Variants in MON2 observed in about 807,000 individuals in gnomAD.
MON2 encodes MON2 regulator of endosome-to-Golgi trafficking, also known as protein MON2 homolog.
In MON2, 84 loss-of-function variants were observed where a neutral mutation model predicts 208.6. The observed-to-expected ratio is 0.40, with a 90% confidence interval of 0.34 to 0.48. The LOEUF (loss-of-function observed/expected upper bound fraction) is 0.48. Among genes scored for constraint, MON2 ranks in the 20% least tolerant of loss-of-function variants. MON2 has a pLI of 0.59. For synonymous variants in MON2, 660 were observed against 694.0 expected (o/e 0.95, Z 0.77); for missense variants, 1,611 against 2,015.4 (o/e 0.80, Z 3.84).
chr12:62,529,265 A>AT (rs2072496674), intron 11 of MON2, among the ~76,000 whole-genome samples: 1 of 152,180 alleles, frequency 6.6e-6, no homozygotes, highest in African/African-American at 2.4e-5. Flanking sequence ...GTCAGACTTG[A>AT]TTTTAAAAAC....
chr12:62,504,933 A>G (rs751656895), intron 7 of MON2, among the ~76,000 whole-genome samples: 3 of 152,216 alleles, frequency 2.0e-5, no homozygotes, highest in Non-Finnish European at 4.4e-5. Flanking sequence ...CAAGGATAGG[A>G]TACTTAAGCT....
At chr12:62,498,126 C>T (rs1310154301) in intron 4 of MON2, among the ~76,000 whole-genome samples, 2 of 151,540 alleles carry the variant, frequency 1.3e-5, no homozygotes, top group Admixed American at 6.6e-5. Flanking sequence ...ATGGTGTACT[C>T]GTACAATAGA....
chr12:62,580,185 G>A, intron 31 of MON2, 112 bp from the exon 32 acceptor site: 1 of 990,274 alleles, frequency 1.0e-6, no homozygotes, highest in Non-Finnish European at 1.5e-6. Context: ...TTCTTTAAAG[G>A]AGAGTTCTTT....
Position 62,578,430 on chromosome 12 carries a change from GTTT to G in MON2, c.4515-5_4515-3del. On this transcript the variant is annotated splice_polypyrimidine_tract_variant and intron_variant, in intron 30 of 34. Transcript: ENST00000393630. ...AATATTTTATCTTTAAAAATCAAGT[GTTT>G]TTTTTTTTTAGCATACCTCCAGATA... The G allele has an allele frequency of 1.8e-6, 2 of 1,130,406 alleles. No individual in the cohort carries two copies. Among genetic ancestry groups the G allele is most frequent in the Admixed American group, 2.8e-5 (1 of 36,148 alleles). The allele number at this position is 1,130,406 out of a possible 1,614,324, so 70.0% of individuals were successfully genotyped here.
At chr12:62,542,870 A>G (rs961452832) in intron 19 of MON2, among the ~76,000 whole-genome samples, 13 of 152,122 alleles carry the variant, frequency 8.5e-5, no homozygotes, top group African/African-American at 3.1e-4. Flanking sequence ...CCACTATTAA[A>G]GCATTCTCTT....
At chr12:62,494,076 G>C in intron 3 of MON2, 34 bp downstream of exon 3, 1 of 1,573,812 alleles carries the variant, frequency 6.4e-7, no homozygotes, top group Non-Finnish European at 8.7e-7. Flanking sequence ...CTTCACCTAA[G>C]AGTTGAATCA....
chr12:62,521,816 T>C (rs1447835687), intron 8 of MON2, among the ~76,000 whole-genome samples: 1 of 152,236 alleles, frequency 6.6e-6, no homozygotes. Flanking sequence ...AGGTAGGTGC[T>C]TTTCTGCTCT....
At chr12:62,591,443 T>A (rs2075395438) in intron 34 of MON2, among the ~76,000 whole-genome samples, 1 of 152,188 alleles carries the variant, frequency 6.6e-6, no homozygotes, top group Admixed American at 6.5e-5. Flanking sequence ...TTGATGATGT[T>A]TGATGTCAGT....
intron 31 of MON2, among the ~76,000 whole-genome samples, chr12:62,579,996 A>G (rs2074944077): frequency 6.6e-6 from 1 of 152,160 alleles, no homozygotes; most frequent in Non-Finnish European, 1.5e-5. Flanking sequence ...GGTAAATTTC[A>G]TATGCTATTT....
chr12:62,509,856 G>A (rs2071301627), intron 8 of MON2, among the ~76,000 whole-genome samples: 1 of 147,788 alleles, frequency 6.8e-6, no homozygotes, highest in African/African-American at 2.5e-5. Flanking sequence ...AAAAGCAATA[G>A]AGAGAATCAA....
At chr12:62,482,148 T>C (rs1285985247) in intron 1 of MON2, among the ~76,000 whole-genome samples, 1 of 152,224 alleles carries the variant, frequency 6.6e-6, no homozygotes. Flanking sequence ...ACATTCAAAA[T>C]TGCTGGTGGG....
intron 19 of MON2, among the ~76,000 whole-genome samples, chr12:62,539,993 T>A (rs113101700): frequency 5.3e-5 from 8 of 152,128 alleles, no homozygotes; most frequent in African/African-American, 1.9e-4. Context: ...ATATATATTA[T>A]AGTTTGTTCT....
Position 62,594,417 on chromosome 12 carries a change from T to C in MON2, c.*1668T>C, listed in dbSNP as rs2075479388. On this transcript the variant is annotated 3_prime_UTR_variant, in exon 35 of 35. Coordinates refer to ENST00000393630, the MANE Select transcript of MON2 (RefSeq NM_015026.3). ...TTCTATTTTATTATTTCACCTAAAA[T>C]TAAGGTAAAATATGGCATTTCATAA... The C allele has an allele frequency of 6.6e-6, 1 of 152,196 alleles. No homozygotes were observed. The highest frequency in any genetic ancestry group is 2.1e-4 in the South Asian group (1 of 4,836). The allele number at this position is 152,196 out of a possible 1,614,324, so 9.4% of individuals were successfully genotyped here. A position where few individuals can be genotyped will look rare whatever the true frequency, so the allele number is the denominator to read the frequency against.
chr12:62,476,421 A>G (rs929366878), intron 1 of MON2, among the ~76,000 whole-genome samples: 2 of 149,864 alleles, frequency 1.3e-5, no homozygotes, highest in Non-Finnish European at 3.0e-5. Flanking sequence ...CTAAGTTGCC[A>G]TTAACTTGAA....
At chr12:62,567,444 C>T (rs1034940901) in intron 29 of MON2, among the ~76,000 whole-genome samples, 3 of 152,150 alleles carry the variant, frequency 2.0e-5, no homozygotes, top group African/African-American at 7.2e-5. Context: ...CACTCTTTGC[C>T]TGTTGTGTGT....
rs1409653794 is a variant in MON2, at chr12:62,565,244, G to A, written c.4040G>A (p.Cys1347Tyr). Residue 1347 changes from cysteine to tyrosine, a missense_variant, in exon 27 of 35, where the codon TGT (cysteine) becomes TAT (tyrosine). Cys to Tyr is a radical substitution (Grantham distance 194). Coordinates refer to ENST00000393630, the MANE Select transcript of MON2 (RefSeq NM_015026.3). ...TALDVLQKAI[C>Y]VGPENMQIMY... The stretch of plus-strand genomic sequence containing the variant: ...CTTATTTTGCTTTTATAGGCCATTT[G>A]TGTAGGACCAGAAAACATGCAGATA... 6.2e-7 allele frequency: 1 copy of A among 1,612,176 alleles called. No homozygotes were observed. The highest frequency in any genetic ancestry group is 8.5e-7 in the Non-Finnish European group (1 of 1,179,106).
At chr12:62,477,562 A>G (rs2069156776) in intron 1 of MON2, among the ~76,000 whole-genome samples, 1 of 149,056 alleles carries the variant, frequency 6.7e-6, no homozygotes, top group South Asian at 2.1e-4. Flanking sequence ...CTACAGGCTC[A>G]CACCACCACG....
intron 1 of MON2, 90 bp downstream of exon 1, chr12:62,467,408 T>G: frequency 9.6e-7 from 1 of 1,042,206 alleles, no homozygotes; most frequent in Non-Finnish European, 1.5e-6. Context: ...AGTCCTAATT[T>G]TCATTCAGGC....
chr12:62,546,054 C>T (rs1460906796), intron 21 of MON2, among the ~76,000 whole-genome samples: 1 of 152,030 alleles, frequency 6.6e-6, no homozygotes, highest in Non-Finnish European at 1.5e-5. Flanking sequence ...AAGGGATAGA[C>T]AGAGTGCTTT....
Sources: gnomAD v4.1 joint callset for allele counts (sites outside exome capture counted in the v4.1 genomes callset) on GRCh38, gnomAD v4.1.1 for gene constraint, MANE v1.5 for transcripts, NCBI Gene and HGNC (gene_info 2026-07-23, HGNC 2026-07-21) for gene names.